TRPC5OS: variants seen among roughly 807,000 people sequenced by gnomAD.
TRPC5OS encodes putative uncharacterized protein TRPC5OS.
For missense variants in TRPC5OS, 64 were observed against 79.3 expected, an observed-to-expected ratio of 0.81 and a Z score of 0.73; for synonymous variants, 30 against 29.3, an observed-to-expected ratio of 1.02 and a Z score of -0.08.
At chrX:111,901,214 A>C (rs1222419050) in intron 3 of TRPC5OS, among the ~76,000 whole-genome samples, 1 of 111,867 alleles carries the variant, frequency 8.9e-6, no homozygotes, top group Admixed American at 9.5e-5. Flanking sequence ...ACCCAGATAT[A>C]AATGGCAATG....
intron 1 of TRPC5OS, among the ~76,000 whole-genome samples, chrX:111,894,070 G>A (rs1354006902): frequency 9.0e-6 from 1 of 111,078 alleles, no homozygotes; most frequent in African/African-American, 3.3e-5. Flanking sequence ...ACCGGAGAAG[G>A]GAACACTATG....
chrX:111,900,562 A>G (rs1262848370), intron 3 of TRPC5OS, among the ~76,000 whole-genome samples: 1 of 111,459 alleles, frequency 9.0e-6, no homozygotes, highest in African/African-American at 3.3e-5. Context: ...TCTATTTGGA[A>G]TGAGAGGGGA....
intron 1 of TRPC5OS, among the ~76,000 whole-genome samples, chrX:111,886,532 A>G (rs766956953): frequency 1.1e-4 from 12 of 111,767 alleles, no homozygotes; most frequent in Non-Finnish European, 2.1e-4. Context: ...TGAGCCTTGC[A>G]GCAGAGTTGA....
chrX:111,876,117 G>C (rs1238516748), upstream of TRPC5OS: 1 of 110,851 alleles, frequency 9.0e-6, no homozygotes, highest in East Asian at 2.8e-4. Context: ...GAAGAGGTGG[G>C]AGCTATCTCT....
intron 2 of TRPC5OS, 66 bp from the exon 3 acceptor site, chrX:111,896,341 A>G (rs779016666): frequency 1.1e-5 from 1 of 94,501 alleles, no homozygotes; most frequent in African/African-American, 5.0e-5. Flanking sequence ...CCTTAAACCT[A>G]TCGATTTCGC....
intron 1 of TRPC5OS, among the ~76,000 whole-genome samples, chrX:111,884,344 T>C (rs1394653404): frequency 8.9e-6 from 1 of 112,535 alleles, no homozygotes; most frequent in Non-Finnish European, 1.9e-5. Flanking sequence ...CAGAAACTAG[T>C]TAAGGTAGTG....
chrX:111,886,914 A>G (rs747571374), intron 1 of TRPC5OS, among the ~76,000 whole-genome samples: 5 of 113,153 alleles, frequency 4.4e-5, no homozygotes, highest in African/African-American at 1.6e-4. Flanking sequence ...AGAATGCAGC[A>G]GCTTCTGGGT....
intron 1 of TRPC5OS, among the ~76,000 whole-genome samples, chrX:111,893,869 T>A (rs1924931639): frequency 8.9e-6 from 1 of 112,012 alleles, no homozygotes; most frequent in South Asian, 3.7e-4. Context: ...AAAGTGTAAA[T>A]ACTCTTTTTT....
intron 1 of TRPC5OS, among the ~76,000 whole-genome samples, chrX:111,877,814 G>A (rs1327236369): frequency 9.0e-6 from 1 of 111,480 alleles, no homozygotes; most frequent in African/African-American, 3.3e-5. Flanking sequence ...TAGGTTGGCT[G>A]TAAAAAGAAA....
chrX:111,897,236 T>G (rs1377046136), intron 3 of TRPC5OS, among the ~76,000 whole-genome samples: 1 of 111,516 alleles, frequency 9.0e-6, no homozygotes, highest in African/African-American at 3.3e-5. Context: ...ATACTCAACC[T>G]GTAATATAAG....
At position 111,887,530 on chromosome X, in the gene TRPC5OS, A is replaced by AT. The variant is rs1394169523; in HGVS notation, c.-545-8421_-545-8420insT. Among the ~76,000 whole-genome samples the AT allele has an allele frequency of 2.7e-5, 3 of 112,077 alleles. No individual in the cohort carries two copies. In the East Asian group the frequency reaches 8.5e-4, roughly 32 times the overall value. ...GTATAATATTGGAGGCTACAGAAAA[A>AT]GGGTACAAAACTAGGTTTCTGGTTT... On this transcript the variant is annotated intron_variant, in intron 1 of 3. Transcript: ENST00000635763.
chrX:111,895,722 G>T (rs1258983501), intron 1 of TRPC5OS, among the ~76,000 whole-genome samples: 2 of 110,965 alleles, frequency 1.8e-5, no homozygotes, highest in Admixed American at 1.9e-4. Context: ...TTATTTGTCT[G>T]TCCTTGAGCC....
Position 111,902,083 on chromosome X carries a change from G to A in TRPC5OS, c.234G>A (p.Glu78=), listed in dbSNP as rs1184731913. The A allele has an allele frequency of 3.1e-5, 36 of 1,152,427 alleles. No homozygotes were observed. The highest frequency in any genetic ancestry group is 3.9e-5 in the Non-Finnish European group (34 of 871,565). 95.0% of individuals were successfully genotyped at this position (1,152,427 alleles called of 1,213,427 possible). A position where few individuals can be genotyped will look rare whatever the true frequency, so the allele number is the denominator to read the frequency against. ...SDLDSILTPR[E]DEDLIFDIDQ... ...TAGACTCAATACTTACACCAAGAGA[G>A]GATGAAGACCTAATATTTGATATAG... is the stretch of plus-strand genomic sequence containing the variant. The change falls in exon 4 of 4, where the codon GAG becomes GAA. Residue 78 remains glutamate (E), a synonymous_variant. Transcript: ENST00000635763.
chrX:111,888,693 CAAA>C (rs753735549), intron 1 of TRPC5OS, among the ~76,000 whole-genome samples: 4 of 10,975 alleles, frequency 3.6e-4, no homozygotes, highest in Admixed American at 1.5e-3. Flanking sequence ...GACTCTATCT[CAAA>C]AAAAAAAAAA....
chrX:111,891,614 C>T (rs150958857), intron 1 of TRPC5OS, among the ~76,000 whole-genome samples: 6,029 of 111,401 alleles, frequency 0.054, 394 homozygotes, highest in African/African-American at 0.19. Context: ...GATCTCAGCT[C>T]ACTGCAACCT....
chrX:111,901,281 G>T (rs1483986828), intron 3 of TRPC5OS, among the ~76,000 whole-genome samples: 3 of 111,105 alleles, frequency 2.7e-5, no homozygotes, highest in Admixed American at 1.9e-4. Flanking sequence ...CCTCAAAAGA[G>T]ATGCTCAAGA....
chrX:111,901,537 T>C lies in TRPC5OS; in HGVS notation c.-310-3T>C, dbSNP rs758745684. On this transcript the variant is annotated splice_region_variant and splice_polypyrimidine_tract_variant and intron_variant, in intron 3 of 3. Transcript: ENST00000635763. ...TCTTTATATCTCTCTTTTTTATTAT[T>C]AGGTCTGCTTTGCTGTTTTCTCTTG... The C allele has an allele frequency of 1.8e-5, 3 of 163,617 alleles. No individual in the cohort carries two copies. In the East Asian group the frequency reaches 4.0e-4, roughly 22 times the overall value. 13.5% of individuals were successfully genotyped at this position (163,617 alleles called of 1,213,427 possible). A position where few individuals can be genotyped will look rare whatever the true frequency, so the allele number is the denominator to read the frequency against.
rs1326622625 is a variant in TRPC5OS, at chrX:111,901,744, A to G, written c.-106A>G. ...ATCAACATCCTAATTTCTGGCCTAAACCAACCACAGAACCATTGTTAGCCC... is the reference window on the plus strand; with the variant it reads ...ATCAACATCCTAATTTCTGGCCTAAGCCAACCACAGAACCATTGTTAGCCC... On this transcript the variant is annotated 5_prime_UTR_variant, in exon 4 of 4. Transcript: ENST00000635763. 1 of 626,413 alleles carries G rather than the reference A, an allele frequency of 1.6e-6. No individual in the cohort carries two copies. Among genetic ancestry groups the G allele is most frequent in the Non-Finnish European group, 2.3e-6 (1 of 432,332 alleles). The allele number at this position is 626,413 out of a possible 1,213,427, so 51.6% of individuals were successfully genotyped here.
intron 1 of TRPC5OS, among the ~76,000 whole-genome samples, chrX:111,889,101 T>C (rs375354745): frequency 8.9e-6 from 1 of 112,082 alleles, no homozygotes; most frequent in East Asian, 2.8e-4. Context: ...TAAATAAATT[T>C]GGGAGTCATC....
Sources: allele counts gnomAD v4.1 joint callset (sites outside exome capture counted in the v4.1 genomes callset), GRCh38; gene constraint gnomAD v4.1.1; transcripts MANE v1.5; gene names NCBI Gene and HGNC (gene_info 2026-07-23, HGNC 2026-07-21).